Variants in POLD1 observed in about 807,000 individuals in gnomAD.
POLD1 encodes DNA polymerase delta catalytic subunit.
Under a neutral mutation model 129.7 loss-of-function variants are expected in POLD1, and 79 were observed. The ratio of observed to expected loss-of-function variants is 0.61; its 90% CI spans 0.51 to 0.73. The LOEUF is 0.73. POLD1 is among the 30% of genes least tolerant of loss of function. The pLI, the probability that POLD1 is intolerant of heterozygous loss-of-function variation, is 0.00. For missense variants in POLD1, 1,338 were observed against 1,595.8 expected (o/e 0.84, Z 2.75); for synonymous variants, 714 against 683.3 (o/e 1.04, Z -0.70).
chr19:50,416,685 A>ACTGCTGCATTGGCTGCCGCAC lies in POLD1; in HGVS notation c.3030_3050dup (p.Cys1011_Thr1017dup). The ACTGCTGCATTGGCTGCCGCAC allele has an allele frequency of 6.4e-7, 1 of 1,551,476 alleles. No individual in the cohort carries two copies. The highest frequency in any genetic ancestry group is 8.7e-7 in the Non-Finnish European group (1 of 1,153,098). On this transcript the variant is annotated inframe_insertion, in exon 24 of 27. Transcript: ENST00000440232. ...CTCCTGGCCTTCGCCAAACGCCGCA[A>ACTGCTGCATTGGCTGCCGCAC]CTGCTGCATTGGCTGCCGCACAGTG...
In POLD1 at chr19:50,385,981, C is replaced by G. The variant is rs754740399; in HGVS notation, c.-2+1591C>G. On this transcript the variant is annotated intron_variant, in intron 1 of 26. Transcript: ENST00000440232. ...TGCTGAGCACTGGGGAGCCAATGAT[C>G]ATTCAGTTTGGTTGGGGAAGGACAG... Among the ~76,000 whole-genome samples, 53 of 152,148 alleles carry G rather than the reference C, an allele frequency of 3.5e-4. 1 individual carries two copies. Among genetic ancestry groups the G allele is most frequent in the Non-Finnish European group, 4.7e-4 (32 of 68,040 alleles).
intron 1 of POLD1, among the ~76,000 whole-genome samples, chr19:50,392,147 T>C (rs1223098785): frequency 6.6e-6 from 1 of 152,230 alleles, no homozygotes; most frequent in Non-Finnish European, 1.5e-5. Flanking sequence ...CATGGCTCAC[T>C]GCAGCCTTCA....
intron 10 of POLD1, among the ~76,000 whole-genome samples, chr19:50,404,579 T>C (rs1396111282): frequency 2.5e-5 from 3 of 118,740 alleles, no homozygotes; most frequent in Non-Finnish European, 3.5e-5. Flanking sequence ...TCTTTCTTTT[T>C]TTTTTTTTTT....
intron 1 of POLD1, among the ~76,000 whole-genome samples, chr19:50,393,423 A>G (rs2546556): frequency 0.023 from 3,516 of 152,276 alleles, 140 homozygotes; most frequent in African/African-American, 0.08. Context: ...TAATCCCAGC[A>G]CTTTGGGGAG....
Position 50,417,115 on chromosome 19 carries a change from TGAG to T in POLD1, c.3120+23_3120+25del, listed in dbSNP as rs1296422277. The T allele has an allele frequency of 1.2e-5, 19 of 1,565,392 alleles. No individual in the cohort carries two copies. The highest frequency in any genetic ancestry group is 1.5e-5 in the Non-Finnish European group (17 of 1,154,692). ...AGAAGGAGGTGAGAGGGCCGGGAGG[TGAG>T]GAGGGGCCAGGTGGGGAGGCGGGGG... is the stretch of plus-strand genomic sequence containing the variant. On this transcript the variant is annotated intron_variant, in intron 25 of 26. Transcript: ENST00000440232.
intron 1 of POLD1, among the ~76,000 whole-genome samples, chr19:50,386,200 C>T (rs1274821851): frequency 6.6e-6 from 1 of 151,766 alleles, no homozygotes. Context: ...AGTGCAGTGG[C>T]GCGATCTCGG....
Position 50,413,725 on chromosome 19 carries a change from AT to A in POLD1, c.2251-16del. 1 of 1,586,364 alleles carries A rather than the reference AT, an allele frequency of 6.3e-7. No homozygotes were observed. The highest frequency in any genetic ancestry group is 8.6e-7 in the Non-Finnish European group (1 of 1,168,332). ...GGGACCCTGCTTCTCACATACACAC[AT>A]CCCCACCGCCCGCAGGTGGTGTATG... On this transcript the variant is annotated splice_polypyrimidine_tract_variant and intron_variant, in intron 18 of 26. Transcript: ENST00000440232.
rs1419678319 is a variant in POLD1, at chr19:50,408,914, A to G, written c.1892+13A>G. ...CACAGAAACTGGGGTATAGTGCCCAATTCAGCATGTGTCCCCCGAGGCCCA... is the reference window on the plus strand; with the variant it reads ...CACAGAAACTGGGGTATAGTGCCCAGTTCAGCATGTGTCCCCCGAGGCCCA... On this transcript the variant is annotated intron_variant, in intron 15 of 26. Coordinates refer to ENST00000440232, the MANE Select transcript of POLD1 (RefSeq NM_002691.4). The G allele has an allele frequency of 1.2e-6, 2 of 1,602,382 alleles. No individual in the cohort carries two copies. Among genetic ancestry groups the G allele is most frequent in the Non-Finnish European group, 1.7e-6 (2 of 1,173,486 alleles).
chr19:50,413,825 C>A lies in POLD1; in HGVS notation c.2334C>A (p.Ala778=), dbSNP rs1472994995. ...VAEAMALGRE[A]ADWVSGHFPS... is the part of the protein sequence containing the mutation. Reference sequence around the variant, plus strand: ...AGGCGATGGCCCTGGGGCGGGAGGCCGCGGACTGGGTGTCAGGTCACTTCC... The same window carrying A: ...AGGCGATGGCCCTGGGGCGGGAGGCAGCGGACTGGGTGTCAGGTCACTTCC... The change falls in exon 19 of 27, where the codon GCC becomes GCA. Residue 778 remains alanine, a synonymous_variant. Coordinates refer to ENST00000440232, the MANE Select transcript of POLD1 (RefSeq NM_002691.4). The A allele has an allele frequency of 6.2e-7, 1 of 1,612,330 alleles. No homozygotes were observed. Among genetic ancestry groups the A allele is most frequent in the African/African-American group, 1.3e-5 (1 of 75,016 alleles).
intron 1 of POLD1, among the ~76,000 whole-genome samples, chr19:50,391,806 A>G (rs1488166581): frequency 6.6e-6 from 1 of 151,908 alleles, no homozygotes; most frequent in Non-Finnish European, 1.5e-5. Flanking sequence ...TCCGCCTCCC[A>G]GGTTCAAGCG....
Position 50,406,908 on chromosome 19 carries a change from A to AC in POLD1, c.1495-70dup. The AC allele has an allele frequency of 8.2e-7, 1 of 1,214,550 alleles. No homozygotes were observed. The highest frequency in any genetic ancestry group is 1.1e-6 in the Non-Finnish European group (1 of 874,504). 75.2% of individuals were successfully genotyped at this position (1,214,550 alleles called of 1,614,324 possible). The stretch of plus-strand genomic sequence containing the variant: ...GCCCTCCCCAGGCTACCTCACCCTG[A>AC]CCCCCACTTCCTTCTCCTGCTCCAC... On this transcript the variant is annotated intron_variant, in intron 12 of 26. Transcript: ENST00000440232. The surrounding 1 kb of genome is among the most constrained non-coding windows in gnomAD (Gnocchi z 5.5).
chr19:50,408,710 G>T, intron 14 of POLD1, 75 bp from the exon 15 acceptor site: 1 of 1,567,908 alleles, frequency 6.4e-7, no homozygotes, highest in Admixed American at 1.9e-5. Flanking sequence ...TTTAAAGGGT[G>T]AGGCCACAAG....
At chr19:50,415,927 CTG>C in intron 22 of POLD1, 101 bp downstream of exon 22, 1 of 897,928 alleles carries the variant, frequency 1.1e-6, no homozygotes, top group Non-Finnish European at 1.6e-6. Context: ...CTCCCGTGCC[CTG>C]TGGGGCCCTG....
chr19:50,408,666 AG>A, intron 14 of POLD1, 118 bp from the exon 15 acceptor site: 1 of 1,454,474 alleles, frequency 6.9e-7, no homozygotes, highest in South Asian at 1.3e-5. Context: ...TGCAGGAGCG[AG>A]CACTGCTCCC....
At chr19:50,415,975 G>C (rs931024288) in intron 22 of POLD1, 149 bp downstream of exon 22, 2 of 624,554 alleles carry the variant, frequency 3.2e-6, no homozygotes, top group African/African-American at 3.7e-5. Context: ...GTGTGGCCTC[G>C]GCCCCCTCTG....
chr19:50,407,329 C>T lies in POLD1; in HGVS notation c.1689C>T (p.Ala563=). The change falls in exon 14 of 27, where the codon GCC becomes GCT. Residue 563 remains alanine (A), a splice_region_variant and synonymous_variant. Transcript: ENST00000440232. ...VKVVSQLLRQ[A]MHEGLLMPVV... ...TTTCCCACCTTCTCCCCTCCCAGGCCATGCACGAGGGGCTGCTGATGCCCG... is the reference window on the plus strand; with the variant it reads ...TTTCCCACCTTCTCCCCTCCCAGGCTATGCACGAGGGGCTGCTGATGCCCG... 6.2e-7 allele frequency: 1 copy of T among 1,612,122 alleles called. No homozygotes were observed. Among genetic ancestry groups the T allele is most frequent in the Non-Finnish European group, 8.5e-7 (1 of 1,178,804 alleles).
chr19:50,392,044 C>T (rs1450208450), intron 1 of POLD1, among the ~76,000 whole-genome samples: 2 of 151,822 alleles, frequency 1.3e-5, no homozygotes, highest in East Asian at 3.9e-4. Context: ...AATCCAAGTT[C>T]TAACCTAGGA....
At chr19:50,398,740 G>C (rs1369281986) in intron 1 of POLD1, 111 bp from the exon 2 acceptor site, 1 of 1,500,600 alleles carries the variant, frequency 6.7e-7, no homozygotes, top group Admixed American at 2.4e-5. Flanking sequence ...AGTACAGCCA[G>C]TCCAGAGTAG....
chr19:50,404,785 G>T (rs576367199), intron 10 of POLD1, among the ~76,000 whole-genome samples: 1 of 146,200 alleles, frequency 6.8e-6, no homozygotes, highest in East Asian at 2.1e-4. Context: ...ATGGAATTTC[G>T]CTCTTGTTGC....
Sources: allele counts gnomAD v4.1 joint callset (sites outside exome capture counted in the v4.1 genomes callset), GRCh38; gene constraint gnomAD v4.1.1; non-coding constraint Gnocchi (gnomAD v3.1); transcripts MANE v1.5; gene names NCBI Gene and HGNC (gene_info 2026-07-23, HGNC 2026-07-21).